Variants in ST8SIA2 observed in about 807,000 individuals in gnomAD.
ST8SIA2 encodes the protein ST8 alpha-N-acetyl-neuraminide alpha-2,8-sialyltransferase 2, also known as alpha-2,8-sialyltransferase 8B.
Under a neutral mutation model 37.6 loss-of-function variants are expected in ST8SIA2, and 22 were observed. That is an observed-to-expected ratio of 0.58 (90% confidence interval 0.42 to 0.83). The LOEUF is 0.83. Among genes scored for constraint, ST8SIA2 ranks in the 40% least tolerant of loss-of-function variants. The probability of loss-of-function intolerance (pLI) is 0.00; values close to 1 mark genes in which losing one functional copy is unlikely to be tolerated. For synonymous variants in ST8SIA2, 205 were observed against 201.2 expected, an observed-to-expected ratio of 1.02 and a Z score of -0.16; for missense variants, 382 against 484.7, an observed-to-expected ratio of 0.79 and a Z score of 1.99.
intron 5 of ST8SIA2, among the ~76,000 whole-genome samples, chr15:92,452,069 C>T (rs191779800): frequency 2.0e-5 from 3 of 152,310 alleles, no homozygotes; most frequent in Admixed American, 2.0e-4. Context: ...GTAATGAACT[C>T]CTCAACCCCT....
chr15:92,406,511 C>G (rs1053308774), intron 1 of ST8SIA2, among the ~76,000 whole-genome samples: 1 of 152,226 alleles, frequency 6.6e-6, no homozygotes, highest in African/African-American at 2.4e-5. Flanking sequence ...TGAATCCGCT[C>G]AGTAACAAGC....
At chr15:92,448,911 C>T (rs2049861858) in intron 5 of ST8SIA2, among the ~76,000 whole-genome samples, 1 of 151,814 alleles carries the variant, frequency 6.6e-6, no homozygotes, top group South Asian at 2.1e-4. Context: ...ATGTGTTACC[C>T]AATAAACCCC....
At chr15:92,405,336 G>A (rs906885686) in intron 1 of ST8SIA2, among the ~76,000 whole-genome samples, 2 of 152,190 alleles carry the variant, frequency 1.3e-5, no homozygotes, top group Admixed American at 6.5e-5. Flanking sequence ...AGGAGAAGGG[G>A]AATTTGTTTA....
chr15:92,429,691 G>C (rs2049700839), intron 1 of ST8SIA2, among the ~76,000 whole-genome samples: 1 of 152,240 alleles, frequency 6.6e-6, no homozygotes. Flanking sequence ...AGTCATGCTA[G>C]AGCAGATGCT....
intron 4 of ST8SIA2, among the ~76,000 whole-genome samples, chr15:92,443,194 C>CAGCCTCT (rs1199300797): frequency 1.3e-5 from 2 of 152,162 alleles, no homozygotes; most frequent in African/African-American, 4.8e-5. Context: ...TTCATGTCTC[C>CAGCCTCT]AGCCTCTATT....
chr15:92,468,041 C>T lies in ST8SIA2; in HGVS notation c.*3656C>T, dbSNP rs905985452. 5.9e-5 allele frequency: 9 copies of T among 152,256 alleles called. No individual in the cohort carries two copies. The highest frequency in any genetic ancestry group is 2.2e-4 in the African/African-American group (9 of 41,452). The allele number at this position is 152,256 out of a possible 1,614,324, so 9.4% of individuals were successfully genotyped here. A position where few individuals can be genotyped will look rare whatever the true frequency, so the allele number is the denominator to read the frequency against. ...TCAGCCACCCAGTCTGAGATGCTGA[C>T]GTTATCTTCGACTATTCTTCCCTGT... On this transcript the variant is annotated 3_prime_UTR_variant, in exon 6 of 6. Coordinates refer to ENST00000268164, the MANE Select transcript of ST8SIA2 (RefSeq NM_006011.4).
chr15:92,394,469 C>G (rs1031302205), intron 1 of ST8SIA2, among the ~76,000 whole-genome samples: 1 of 152,020 alleles, frequency 6.6e-6, no homozygotes, highest in African/African-American at 2.4e-5. Context: ...CGCAGTGTCG[C>G]CGGGGTCGAG....
chr15:92,425,024 T>G (rs1183581521), intron 1 of ST8SIA2, among the ~76,000 whole-genome samples: 1 of 152,204 alleles, frequency 6.6e-6, no homozygotes, highest in Admixed American at 6.5e-5. Context: ...GTGCAAAAAG[T>G]ATCCCCATAT....
intron 1 of ST8SIA2, among the ~76,000 whole-genome samples, chr15:92,418,883 G>C (rs2049609515): frequency 1.3e-5 from 2 of 152,098 alleles, no homozygotes; most frequent in African/African-American, 4.8e-5. Flanking sequence ...TGTTGTGAGG[G>C]GATGACGTAA....
rs1377365491 is a variant in ST8SIA2 at position 92,465,236 on chromosome 15, G to A, written c.*851G>A. ...TGTCTAAAATCTAGCTGCTTTGGGT[G>A]TTTTTTAAAGCAATGTGAGTCCACT... is the stretch of plus-strand genomic sequence containing the variant. On this transcript the variant is annotated 3_prime_UTR_variant, in exon 6 of 6. Coordinates refer to ENST00000268164, the MANE Select transcript of ST8SIA2 (RefSeq NM_006011.4). The A allele has an allele frequency of 6.6e-6, 1 of 152,260 alleles. No homozygotes were observed. Among genetic ancestry groups the A allele is most frequent in the African/African-American group, 2.4e-5 (1 of 41,432 alleles). The allele number at this position is 152,260 out of a possible 1,614,324, so 9.4% of individuals were successfully genotyped here.
intron 1 of ST8SIA2, among the ~76,000 whole-genome samples, chr15:92,404,475 G>A (rs150439281): frequency 1.3e-5 from 2 of 152,080 alleles, no homozygotes; most frequent in African/African-American, 4.8e-5. Context: ...AAAATTTAAC[G>A]TAGAATTACC....
At chr15:92,395,195 C>G (rs2049421820) in intron 1 of ST8SIA2, among the ~76,000 whole-genome samples, 1 of 152,218 alleles carries the variant, frequency 6.6e-6, no homozygotes, top group South Asian at 2.1e-4. Flanking sequence ...TGGCCCTGGG[C>G]AAGGGGAAGG....
At chr15:92,408,788 C>A (rs1456447900) in intron 1 of ST8SIA2, among the ~76,000 whole-genome samples, 1 of 151,950 alleles carries the variant, frequency 6.6e-6, no homozygotes, top group East Asian at 1.9e-4. Flanking sequence ...TCACTGCAAC[C>A]TCCACCTCCT....
At chr15:92,394,298 C>A in intron 1 of ST8SIA2, 136 bp downstream of exon 1, 1 of 845,710 alleles carries the variant, frequency 1.2e-6, no homozygotes, top group Non-Finnish European at 1.9e-6. Flanking sequence ...GACGGTTTGG[C>A]AGAAGGTGGC....
chr15:92,413,823 T>C (rs2049567752), intron 1 of ST8SIA2, among the ~76,000 whole-genome samples: 1 of 152,212 alleles, frequency 6.6e-6, no homozygotes, highest in Admixed American at 6.5e-5. Context: ...CAGTTTTCTA[T>C]AAGAAATTGA....
intron 1 of ST8SIA2, among the ~76,000 whole-genome samples, chr15:92,406,977 A>G (rs573443957): frequency 6.6e-6 from 1 of 151,150 alleles, no homozygotes; most frequent in South Asian, 2.1e-4. Context: ...CTGGGCATCA[A>G]GAATGAAACC....
intron 1 of ST8SIA2, among the ~76,000 whole-genome samples, chr15:92,415,279 A>G (rs934109956): frequency 1.2e-4 from 18 of 151,792 alleles, no homozygotes; most frequent in African/African-American, 4.1e-4. Flanking sequence ...GATTTTATCA[A>G]TAAGGATCTG....
intron 3 of ST8SIA2, among the ~76,000 whole-genome samples, chr15:92,434,589 G>A (rs1323487770): frequency 6.6e-6 from 1 of 152,222 alleles, no homozygotes; most frequent in Admixed American, 6.5e-5. Flanking sequence ...GCCAGGCGGT[G>A]GCAGGAACAC....
chr15:92,410,384 G>A (rs550137081), intron 1 of ST8SIA2, among the ~76,000 whole-genome samples: 34 of 152,290 alleles, frequency 2.2e-4, no homozygotes, highest in Admixed American at 1.3e-4. Flanking sequence ...TCTGCTCTTT[G>A]CCAGGCACTG....
Sources: allele counts gnomAD v4.1 joint callset (sites outside exome capture counted in the v4.1 genomes callset), GRCh38; gene constraint gnomAD v4.1.1; transcripts MANE v1.5; gene names NCBI Gene and HGNC (gene_info 2026-07-23, HGNC 2026-07-21).